Variants in CCND3 observed in about 807,000 individuals in gnomAD.
The protein encoded by CCND3 is G1/S-specific cyclin-D3.
CCND3 carries 9 observed loss-of-function variants against 28.7 expected under a neutral mutation model. The observed-to-expected ratio is 0.31, with a 90% CI of 0.19 to 0.55. The LOEUF (loss-of-function observed/expected upper bound fraction) is 0.55, where lower values mean the gene tolerates loss of function less well. Among genes scored for constraint, CCND3 ranks in the 20% least tolerant of loss-of-function variants. The pLI is 0.93. For synonymous variants in CCND3, 164 were observed against 163.9 expected (o/e 1.00, Z 0.00); for missense variants, 315 against 385.8 (o/e 0.82, Z 1.54).
At chr6:41,967,257 C>T (rs1233370929) in intron 1 of CCND3, among the ~76,000 whole-genome samples, 4 of 152,132 alleles carry the variant, frequency 2.6e-5, no homozygotes. Context: ...GTCACCAAGG[C>T]TAGACAGCCA....
At position 41,935,818 on chromosome 6, in the gene CCND3, C is replaced by T. The variant is rs935200114; in HGVS notation, c.*122G>A. 4.1e-6 allele frequency: 4 copies of T among 967,838 alleles called. No individual in the cohort carries two copies. Among genetic ancestry groups the T allele is most frequent in the Non-Finnish European group, 6.3e-6 (4 of 631,042 alleles). The allele number at this position is 967,838 out of a possible 1,614,324, so 60.0% of individuals were successfully genotyped here. A position where few individuals can be genotyped will look rare whatever the true frequency, so the allele number is the denominator to read the frequency against. On this transcript the variant is annotated 3_prime_UTR_variant, in exon 5 of 5. Coordinates refer to ENST00000372991, the MANE Select transcript of CCND3 (RefSeq NM_001760.5). ...GATGGGTAGGACCAGATCCCTTGGG[C>T]TTTGTGAAGGGGGAACAGACGCCCC...
At chr6:41,998,670 G>A (rs1386790814) in intron 1 of CCND3, among the ~76,000 whole-genome samples, 2 of 151,342 alleles carry the variant, frequency 1.3e-5, no homozygotes, top group Non-Finnish European at 2.9e-5. Context: ...CCAGTCCCTG[G>A]TCTATGCATT....
chr6:41,949,151 C>G (rs1297125250), intron 1 of CCND3, among the ~76,000 whole-genome samples: 1 of 152,132 alleles, frequency 6.6e-6, no homozygotes, highest in East Asian at 1.9e-4. Flanking sequence ...GGTTCAAGAC[C>G]AGCCTAGGCA....
At chr6:42,044,890 G>A (rs546634378) in intron 1 of CCND3, among the ~76,000 whole-genome samples, 70 of 151,072 alleles carry the variant, frequency 4.6e-4, no homozygotes, top group Non-Finnish European at 9.0e-4. Context: ...CCGGGTTCAA[G>A]TGATTCTCCC....
At chr6:42,026,557 C>T (rs1763881816) in intron 1 of CCND3, among the ~76,000 whole-genome samples, 1 of 152,150 alleles carries the variant, frequency 6.6e-6, no homozygotes, top group Admixed American at 6.5e-5. Context: ...AAGCCATCCT[C>T]ACCCACATGA....
intron 1 of CCND3, among the ~76,000 whole-genome samples, chr6:41,969,377 A>T (rs1331236027): frequency 6.6e-6 from 1 of 151,590 alleles, no homozygotes; most frequent in Non-Finnish European, 1.5e-5. Context: ...TTAGCTGGGC[A>T]TAGTGGCGCA....
At chr6:42,044,047 G>A (rs571084447) in intron 1 of CCND3, among the ~76,000 whole-genome samples, 4 of 152,332 alleles carry the variant, frequency 2.6e-5, no homozygotes, top group East Asian at 1.9e-4. Context: ...TCGCAGGGCC[G>A]TCGGTCCTGC....
intron 1 of CCND3, among the ~76,000 whole-genome samples, chr6:42,036,149 T>C (rs904142792): frequency 8.6e-5 from 13 of 151,090 alleles, no homozygotes; most frequent in African/African-American, 3.2e-4. Flanking sequence ...TGTGCCATCA[T>C]GCCCAGCTAA....
chr6:41,986,677 T>C (rs1187145686), intron 1 of CCND3, among the ~76,000 whole-genome samples: 1 of 152,012 alleles, frequency 6.6e-6, no homozygotes, highest in Non-Finnish European at 1.5e-5. Flanking sequence ...GGTGGAGTCT[T>C]TGGGGTTTCT....
chr6:41,991,705 C>G (rs1762654597), intron 1 of CCND3, among the ~76,000 whole-genome samples: 1 of 152,126 alleles, frequency 6.6e-6, no homozygotes, highest in South Asian at 2.1e-4. Flanking sequence ...TCCTATGTAG[C>G]TGTAATTTTG....
At chr6:41,976,392 C>G (rs1041962273) in intron 1 of CCND3, among the ~76,000 whole-genome samples, 24 of 152,080 alleles carry the variant, frequency 1.6e-4, no homozygotes, top group Admixed American at 4.6e-4. Flanking sequence ...TAACACACAC[C>G]TGTTATTCCA....
intron 1 of CCND3, among the ~76,000 whole-genome samples, chr6:41,971,283 T>C (rs747731149): frequency 1.3e-5 from 2 of 152,014 alleles, no homozygotes; most frequent in Non-Finnish European, 1.5e-5. Context: ...AAGTATTTAG[T>C]TTTTCAGTTT....
chr6:42,013,923 T>G (rs1317973355), intron 1 of CCND3, among the ~76,000 whole-genome samples: 1 of 150,822 alleles, frequency 6.6e-6, no homozygotes, highest in Non-Finnish European at 1.5e-5. Flanking sequence ...GATACAAAAA[T>G]TAGCTGGGCG....
intron 1 of CCND3, among the ~76,000 whole-genome samples, chr6:42,040,879 C>CA (rs575544643): frequency 0.089 from 12,493 of 140,544 alleles, 767 homozygotes; most frequent in East Asian, 0.24. Flanking sequence ...AAAAAAAAAA[C>CA]AAAAAAAAAA....
At position 41,941,781 on chromosome 6, in the gene CCND3, G is replaced by A. The variant is rs1306716267; in HGVS notation, c.-132C>T. On this transcript the variant is annotated 5_prime_UTR_variant, in exon 1 of 5. Transcript: ENST00000372991. This position sits in a 1 kb window ranked among gnomAD's most constrained non-coding sequence, Gnocchi z 6.1. ...GCGGCGGATCCCCAGCCCGCCCGCC[G>A]CCCGCGCGCGCGCGCCGCTTCCCTG... 6.2e-6 allele frequency: 2 copies of A among 324,920 alleles called. No homozygotes were observed. The highest frequency in any genetic ancestry group is 8.2e-6 in the Non-Finnish European group (2 of 243,248). The allele number at this position is 324,920 out of a possible 1,614,324, so 20.1% of individuals were successfully genotyped here. A position where few individuals can be genotyped will look rare whatever the true frequency, so the allele number is the denominator to read the frequency against.
chr6:41,975,145 C>T (rs572690778), intron 1 of CCND3, among the ~76,000 whole-genome samples: 28 of 152,282 alleles, frequency 1.8e-4, no homozygotes, highest in Non-Finnish European at 2.8e-4. Flanking sequence ...GTACATTATA[C>T]TTTTCAAAGA....
At chr6:41,964,303 T>G (rs1463336411) in intron 1 of CCND3, among the ~76,000 whole-genome samples, 2 of 151,804 alleles carry the variant, frequency 1.3e-5, no homozygotes, top group Non-Finnish European at 2.9e-5. Context: ...TGAGTATGTG[T>G]GAATGTGTGT....
intron 1 of CCND3, among the ~76,000 whole-genome samples, chr6:42,000,804 T>C (rs1762986759): frequency 6.6e-6 from 1 of 150,774 alleles, no homozygotes; most frequent in Non-Finnish European, 1.5e-5. Context: ...CGACCTCAGG[T>C]GATCCGCCTG....
Position 41,937,265 on chromosome 6 carries a change from C to A in CCND3, c.544G>T (p.Ala182Ser). Residue 182 changes from alanine (A) to serine (S), a missense_variant, in exon 3 of 5, where the codon GCC becomes TCC. Transcript: ENST00000372991. ...RDRQALVKKH[A>S]QTFLALCATD... ...GCACAGAGGGCCAAAAAGGTCTGGG[C>A]ATGCTTTTTGACCAAGGCCTGTCGG... 6.2e-7 allele frequency: 1 copy of A among 1,614,174 alleles called. No individual in the cohort carries two copies. Among genetic ancestry groups the A allele is most frequent in the South Asian group, 1.1e-5 (1 of 91,080 alleles).
Sources: allele counts gnomAD v4.1 joint callset (sites outside exome capture counted in the v4.1 genomes callset), GRCh38; gene constraint gnomAD v4.1.1; non-coding constraint Gnocchi (gnomAD v3.1); transcripts MANE v1.5; gene names NCBI Gene and HGNC (gene_info 2026-07-23, HGNC 2026-07-21).